POLR1D: variants seen among roughly 807,000 people sequenced by gnomAD.
The protein encoded by POLR1D is DNA-directed RNA polymerases I and III subunit RPAC2.
POLR1D carries 8 observed loss-of-function variants against 10.8 expected under a neutral mutation model. The ratio of observed to expected loss-of-function variants is 0.74; its 90% CI spans 0.43 to 1.33. The LOEUF (loss-of-function observed/expected upper bound fraction) is 1.33, where lower values mean the gene tolerates loss of function less well. Ranked by LOEUF, POLR1D falls within the 40% of genes most tolerant of loss-of-function variation. The pLI is 0.01. For synonymous variants in POLR1D, 54 were observed against 57.2 expected, an observed-to-expected ratio of 0.94 and a Z score of 0.25; for missense variants, 152 against 161.7, an observed-to-expected ratio of 0.94 and a Z score of 0.32.
chr13:27,638,181 C>G (rs1172097447), intron 1 of POLR1D, among the ~76,000 whole-genome samples: 1 of 152,180 alleles, frequency 6.6e-6, no homozygotes, highest in Non-Finnish European at 1.5e-5. Context: ...GCTACACCCT[C>G]TATTTCACTG....
rs1301487836 is a variant in POLR1D at position 27,623,019 on chromosome 13, C to A, written c.171C>A (p.Tyr57Ter). 6.2e-7 allele frequency: 1 copy of A among 1,614,084 alleles called. No individual in the cohort carries two copies. ...ATACCCTAGGAAATTCTCTACGTTA[C>A]ATGATCATGAAGAACCCGGAAGTGG... ...EDHTLGNSLR[Y>*]MIMKNPEVEF... Residue 57 changes from tyrosine (Y) to a stop codon, truncating the protein, a stop_gained, in exon 2 of 2, where the codon TAC (tyrosine) becomes TAA (stop). Transcript: ENST00000302979. LOFTEE classifies it high-confidence loss of function.
exon 3 of POLR1D, chr13:27,665,909 C>G (rs1236642249): frequency 1.2e-6 from 2 of 1,614,066 alleles, no homozygotes; most frequent in Non-Finnish European, 8.5e-7. Flanking sequence ...GCCACGAAAG[C>G]GGAGCAGCCA....
rs774225871 is a variant in POLR1D, at chr13:27,623,155, C to T, written c.307C>T (p.Leu103Phe). 4 of 1,614,016 alleles carry T rather than the reference C, an allele frequency of 2.5e-6. No homozygotes were observed. In the African/African-American group the frequency reaches 5.3e-5, roughly 22 times the overall value. Residue 103 changes from leucine (L) to phenylalanine (F), a missense_variant, in exon 2 of 2, where the codon CTC (leucine) becomes TTC (phenylalanine). Leu to Phe is a conservative substitution (Grantham distance 22). Transcript: ENST00000302979. ...GCCATTTCAGAGAGGCCTGAATGAGCTCATGAATGTCTGCCAACATGTGCT... is the reference window on the plus strand; with the variant it reads ...GCCATTTCAGAGAGGCCTGAATGAGTTCATGAATGTCTGCCAACATGTGCT... ...VEPFQRGLNE[L>F]MNVCQHVLDK... is the part of the protein sequence containing the mutation.
intron 2 of POLR1D, among the ~76,000 whole-genome samples, chr13:27,656,555 C>T (rs1482893560): frequency 6.6e-6 from 1 of 152,122 alleles, no homozygotes; most frequent in Non-Finnish European, 1.5e-5. Flanking sequence ...TTATATTCCT[C>T]TTAAATAGCA....
chr13:27,622,052 G>T, intron 1 of POLR1D, 43 bp downstream of exon 1: 1 of 1,551,400 alleles, frequency 6.4e-7, no homozygotes, highest in South Asian at 1.2e-5. Flanking sequence ...CCGCGCCCAA[G>T]GGGAGCGGGT....
chr13:27,623,210 A>G lies in POLR1D; in HGVS notation c.362A>G (p.Tyr121Cys), dbSNP rs777942743. The G allele has an allele frequency of 1.1e-5, 17 of 1,614,046 alleles. No homozygotes were observed. Among genetic ancestry groups the G allele is most frequent in the African/African-American group, 2.7e-5 (2 of 74,922 alleles). Residue 121 changes from tyrosine to cysteine, a missense_variant, in exon 2 of 2, where the codon TAT becomes TGT. Tyr to Cys is a radical substitution (Grantham distance 194). Coordinates refer to ENST00000302979, the MANE Select transcript of POLR1D (RefSeq NM_015972.4). The part of the protein sequence containing the change: ...LDKFEASIKD[Y>C]KDQKASRNES... ...AAGTTTGAGGCCAGCATAAAGGACT[A>G]TAAGGATCAAAAAGCAAGCAGAAAT...
chr13:27,648,562 AG>A, intron 2 of POLR1D: 1 of 692,962 alleles, frequency 1.4e-6, no homozygotes, highest in Non-Finnish European at 2.6e-6. Context: ...ATGGAAGCAG[AG>A]GAAATCTCTC....
At chr13:27,625,691 T>C (rs1593277221), downstream of POLR1D, among the ~76,000 whole-genome samples, 1 of 150,284 alleles carries the variant, frequency 6.7e-6, no homozygotes, top group Non-Finnish European at 1.5e-5. Context: ...GACAAAGAAG[T>C]GGGCCCAGAA....
At chr13:27,639,654 G>A (rs1956157382) in intron 1 of POLR1D, among the ~76,000 whole-genome samples, 1 of 152,198 alleles carries the variant, frequency 6.6e-6, no homozygotes, top group African/African-American at 2.4e-5. Context: ...TATGAACTGA[G>A]AAATAAGTTT....
chr13:27,641,970 G>T (rs949142687), intron 1 of POLR1D, among the ~76,000 whole-genome samples: 1 of 152,280 alleles, frequency 6.6e-6, no homozygotes, highest in South Asian at 2.1e-4. Context: ...CATCTGTGTG[G>T]CAAGGCCTTG....
upstream of POLR1D, chr13:27,621,065 C>G (rs1955906344): frequency 6.5e-6 from 1 of 153,154 alleles, no homozygotes; most frequent in Non-Finnish European, 1.5e-5. Context: ...AAGGCCGGGA[C>G]GCAGGGAGCT....
chr13:27,636,524 C>T (rs1956125551), intron 1 of POLR1D, among the ~76,000 whole-genome samples: 2 of 151,982 alleles, frequency 1.3e-5, no homozygotes, highest in Admixed American at 6.6e-5. Context: ...AAACACTGGG[C>T]GTTCAGGAAT....
downstream of POLR1D, among the ~76,000 whole-genome samples, chr13:27,624,548 T>C (rs1285110723): frequency 3.3e-5 from 5 of 152,070 alleles, no homozygotes. Flanking sequence ...TATATAGCTA[T>C]AGTGGATGAG....
chr13:27,631,384 C>G (rs1566144020), intron 1 of POLR1D, among the ~76,000 whole-genome samples: 1 of 152,206 alleles, frequency 6.6e-6, no homozygotes, highest in Non-Finnish European at 1.5e-5. Context: ...GCCCTACTCT[C>G]AGAAGTGGCA....
At chr13:27,642,406 G>A (rs1956183139) in intron 1 of POLR1D, among the ~76,000 whole-genome samples, 1 of 152,146 alleles carries the variant, frequency 6.6e-6, no homozygotes, top group South Asian at 2.1e-4. Flanking sequence ...CACTACAGGG[G>A]ATTGCTCCCT....
intron 1 of POLR1D, among the ~76,000 whole-genome samples, chr13:27,638,452 T>A (rs1332558039): frequency 6.6e-6 from 1 of 152,266 alleles, no homozygotes; most frequent in Non-Finnish European, 1.5e-5. Context: ...ATGTGTATTT[T>A]TAAATGAAAA....
At position 27,622,928 on chromosome 13, in the gene POLR1D, TGGAAATGGTCCA is replaced by T; in HGVS notation, c.83_94del (p.Glu28_Gln31del). ...GCTGAAGGCGAGAGGAAGACAGCCC[TGGAAATGGTCCA>T]GGCAGCTGGAACAGATAGACACTGT... On this transcript the variant is annotated inframe_deletion, in exon 2 of 2. Transcript: ENST00000302979. The T allele has an allele frequency of 9.3e-6, 15 of 1,612,840 alleles. No individual in the cohort carries two copies. The highest frequency in any genetic ancestry group is 1.2e-5 in the Non-Finnish European group (14 of 1,178,792).
chr13:27,628,697 T>C (rs1956042029), intron 1 of POLR1D, among the ~76,000 whole-genome samples: 1 of 152,264 alleles, frequency 6.6e-6, no homozygotes, highest in Non-Finnish European at 1.5e-5. Flanking sequence ...TATATGTATT[T>C]ACCTAACAAT....
chr13:27,632,051 C>CT (rs757896012), intron 1 of POLR1D, among the ~76,000 whole-genome samples: 34 of 152,150 alleles, frequency 2.2e-4, no homozygotes, highest in Middle Eastern at 3.2e-3. Context: ...GGTGGTTATG[C>CT]TTTATATTCT....
Sources: allele counts gnomAD v4.1 joint callset (sites outside exome capture counted in the v4.1 genomes callset), GRCh38; gene constraint gnomAD v4.1.1; transcripts MANE v1.5; gene names NCBI Gene and HGNC (gene_info 2026-07-23, HGNC 2026-07-21).